MACO1: variants seen among roughly 807,000 people sequenced by gnomAD.
MACO1 encodes macoilin 1, also known as macoilin.
A neutral mutation model predicts 78.7 loss-of-function variants in MACO1; 14 were observed. The ratio of observed to expected loss-of-function variants is 0.18; its 90% CI spans 0.12 to 0.28. The LOEUF (loss-of-function observed/expected upper bound fraction) is 0.28. Among genes scored for constraint, MACO1 ranks in the 10% least tolerant of loss-of-function variants. The probability of loss-of-function intolerance (pLI) is 1.00; values close to 1 mark genes in which losing one functional copy is unlikely to be tolerated. For synonymous variants in MACO1, 288 were observed against 291.6 expected (o/e 0.99, Z 0.12); for missense variants, 501 against 799.0 (o/e 0.63, Z 4.50).
intron 3 of MACO1, among the ~76,000 whole-genome samples, chr1:25,450,141 T>TC (rs1228999505): frequency 2.6e-5 from 4 of 152,332 alleles, no homozygotes; most frequent in Admixed American, 2.6e-4. Context: ...TAATCTCCCT[T>TC]CCACGTTAAC....
chr1:25,436,284 T>G (rs1004289184), intron 1 of MACO1, among the ~76,000 whole-genome samples: 1 of 146,206 alleles, frequency 6.8e-6, no homozygotes. Context: ...CCACTGATAC[T>G]GTTAACCCTT....
In MACO1 at chr1:25,456,400, A is replaced by C. The variant is rs139969907; in HGVS notation, c.474-253A>C. Among the ~76,000 whole-genome samples, 866 of 152,336 alleles carry C rather than the reference A, an allele frequency of 5.7e-3. 7 individuals carry two copies. The highest frequency in any genetic ancestry group is 0.018 in the African/African-American group (733 of 41,560). On this transcript the variant is annotated intron_variant, in intron 4 of 10. Transcript: ENST00000374343. Reference sequence around the variant, plus strand: ...CCTTGAATTAATTTGAAGAATGCCAACGTCTAATGGGAAGTGTCGTCTTAC... The same window carrying C: ...CCTTGAATTAATTTGAAGAATGCCACCGTCTAATGGGAAGTGTCGTCTTAC...
At chr1:25,496,248 C>T (rs764979645) in intron 10 of MACO1, among the ~76,000 whole-genome samples, 1 of 151,558 alleles carries the variant, frequency 6.6e-6, no homozygotes, top group South Asian at 2.1e-4. Context: ...TCTGGGCTCA[C>T]GTGACCCTCC....
At chr1:25,467,109 T>A (rs1046824900) in intron 6 of MACO1, among the ~76,000 whole-genome samples, 4 of 152,104 alleles carry the variant, frequency 2.6e-5, no homozygotes, top group African/African-American at 9.6e-5. Flanking sequence ...AAATACAAAA[T>A]TAGCTGGGCA....
intron 9 of MACO1, 198 bp from the exon 10 acceptor site, chr1:25,491,212 A>T (rs2043482636): frequency 5.0e-6 from 1 of 198,374 alleles, no homozygotes; most frequent in Admixed American, 6.5e-5. Context: ...CAGTCAAATG[A>T]TCATCTTCTA....
chr1:25,469,841 T>C, intron 6 of MACO1, among the ~76,000 whole-genome samples: 1 of 152,070 alleles, frequency 6.6e-6, no homozygotes, highest in East Asian at 1.9e-4. Context: ...TTGGCCAGGC[T>C]GGTCTCGAAC....
chr1:25,461,191 T>C, intron 6 of MACO1, among the ~76,000 whole-genome samples: 1 of 111,658 alleles, frequency 9.0e-6, no homozygotes. Flanking sequence ...AAGGGGAACA[T>C]CACACTCCGG....
intron 6 of MACO1, among the ~76,000 whole-genome samples, chr1:25,482,982 C>G (rs1369783931): frequency 6.6e-6 from 1 of 152,126 alleles, no homozygotes; most frequent in Admixed American, 6.5e-5. Flanking sequence ...TTCTTGGTTC[C>G]TATTTCTTTG....
chr1:25,490,985 A>G (rs1167206419), intron 9 of MACO1, among the ~76,000 whole-genome samples: 1 of 152,194 alleles, frequency 6.6e-6, no homozygotes, highest in Non-Finnish European at 1.5e-5. Context: ...AATTGTTTAC[A>G]TTAAAGTGGG....
At chr1:25,467,382 G>C (rs1274163990) in intron 6 of MACO1, among the ~76,000 whole-genome samples, 1 of 152,204 alleles carries the variant, frequency 6.6e-6, no homozygotes, top group African/African-American at 2.4e-5. Context: ...TTGCCACAAG[G>C]TTCCCTCTCA....
chr1:25,445,152 A>G lies in MACO1; in HGVS notation c.81-1610A>G, dbSNP rs1013609666. ...TCTATTAAAAAAAAAAAAAAAAAAA[A>G]GCCAAACATGGTGGCGCATGCCTAT... On this transcript the variant is annotated intron_variant, in intron 1 of 10. Transcript: ENST00000374343. Among the ~76,000 whole-genome samples the G allele has an allele frequency of 5.5e-3, 751 of 135,908 alleles. 6 individuals carry two copies. Among genetic ancestry groups the G allele is most frequent in the African/African-American group, 0.02 (690 of 34,944 alleles). 89.2% of individuals were successfully genotyped at this position (135,908 alleles called of 152,430 possible).
At chr1:25,460,184 T>A (rs765915916) in intron 6 of MACO1, among the ~76,000 whole-genome samples, 2 of 152,180 alleles carry the variant, frequency 1.3e-5, no homozygotes, top group Non-Finnish European at 2.9e-5. Context: ...TTTGGAAGTG[T>A]GCTATTTGCT....
intron 6 of MACO1, among the ~76,000 whole-genome samples, chr1:25,483,154 G>A: frequency 6.6e-6 from 1 of 152,146 alleles, no homozygotes; most frequent in East Asian, 1.9e-4. Context: ...GGGTTCAAGT[G>A]ATTCTCCTGC....
At position 25,446,822 on chromosome 1, in the gene MACO1, C is replaced by T; in HGVS notation, c.141C>T (p.Val47=). The T allele has an allele frequency of 6.2e-7, 1 of 1,613,874 alleles. No individual in the cohort carries two copies. The highest frequency in any genetic ancestry group is 8.5e-7 in the Non-Finnish European group (1 of 1,179,878). Residue 47 remains valine, a synonymous_variant, in exon 2 of 11, where the codon GTC becomes GTT. Transcript: ENST00000374343. ...VWALVLLADF[V]LEFRFEYLWP... ...CACTTGTCCTCCTAGCAGATTTTGT[C>T]CTGGAGTTCAGATTTGAATACCTGT...
chr1:25,472,915 T>C (rs767251634), intron 6 of MACO1, among the ~76,000 whole-genome samples: 20 of 152,212 alleles, frequency 1.3e-4, no homozygotes, highest in Non-Finnish European at 2.8e-4. Flanking sequence ...AATTTTAGAA[T>C]GGGAACTGTG....
intron 5 of MACO1, among the ~76,000 whole-genome samples, chr1:25,457,091 C>A (rs2043128154): frequency 6.7e-6 from 1 of 150,246 alleles, no homozygotes; most frequent in Non-Finnish European, 1.5e-5. Context: ...TATTTTAATT[C>A]TGATTTTTTT....
intron 10 of MACO1, among the ~76,000 whole-genome samples, chr1:25,496,092 TAAATGCAACTC>T (rs954741794): frequency 1.3e-5 from 2 of 152,140 alleles, no homozygotes; most frequent in Non-Finnish European, 2.9e-5. Flanking sequence ...AATCTCAAAA[TAAATGCAACTC>T]AAATGCAACC....
At chr1:25,469,915 C>T (rs1486834522) in intron 6 of MACO1, among the ~76,000 whole-genome samples, 8 of 152,024 alleles carry the variant, frequency 5.3e-5, no homozygotes, top group Admixed American at 4.6e-4. Flanking sequence ...CATGAGCCAC[C>T]GCGCCCGGCC....
chr1:25,456,273 A>AG (rs939073776), intron 4 of MACO1, among the ~76,000 whole-genome samples: 1 of 151,488 alleles, frequency 6.6e-6, no homozygotes, highest in African/African-American at 2.4e-5. Context: ...AAAAAAAAAA[A>AG]GGGTACAGGT....
Sources: gnomAD v4.1 joint callset for allele counts (sites outside exome capture counted in the v4.1 genomes callset) on GRCh38, gnomAD v4.1.1 for gene constraint, MANE v1.5 for transcripts, NCBI Gene and HGNC (gene_info 2026-07-23, HGNC 2026-07-21) for gene names.